CLDN4: variants seen among roughly 807,000 people sequenced by gnomAD.
CLDN4 encodes claudin-4.
CLDN4 carries 12 observed loss-of-function variants against 13.7 expected under a neutral mutation model. The observed-to-expected ratio is 0.88, with a 90% CI of 0.56 to 1.42. The LOEUF is 1.42. Among genes scored for constraint, CLDN4 ranks in the 40% most tolerant of loss-of-function variants. The pLI is 0.00. For missense variants in CLDN4, 252 were observed against 297.4 expected (o/e 0.85, Z 1.12); for synonymous variants, 152 against 140.6 (o/e 1.08, Z -0.57).
Position 73,831,995 on chromosome 7 carries a change from C to A in CLDN4, c.*164C>A. Reference sequence around the variant, plus strand: ...AGGAAGGCAGCAGCCTTCAGCCTCTCTGGCCCACTCGGACAACTTCCCAAG... The same window carrying A: ...AGGAAGGCAGCAGCCTTCAGCCTCTATGGCCCACTCGGACAACTTCCCAAG... On this transcript the variant is annotated 3_prime_UTR_variant, in exon 1 of 1. Transcript: ENST00000340958. 5 of 934,834 alleles carry A rather than the reference C, an allele frequency of 5.3e-6. No individual in the cohort carries two copies. Among genetic ancestry groups the A allele is most frequent in the Non-Finnish European group, 7.9e-6 (5 of 631,540 alleles). 57.9% of individuals were successfully genotyped at this position (934,834 alleles called of 1,614,324 possible). A position where few individuals can be genotyped will look rare whatever the true frequency, so the allele number is the denominator to read the frequency against.
Position 73,831,806 on chromosome 7 carries a change from C to T in CLDN4, c.605C>T (p.Ser202Phe), listed in dbSNP as rs139833538. 4 of 1,573,498 alleles carry T rather than the reference C, an allele frequency of 2.5e-6. No individual in the cohort carries two copies. The highest frequency in any genetic ancestry group is 3.5e-5 in the Admixed American group (2 of 57,180). ...PYSAKYSAAR[S>F]AAASNYV ...TCCGCCAAGTATTCTGCTGCCCGCT[C>T]TGCTGCTGCCAGCAACTACGTGTAA... Residue 202 changes from serine to phenylalanine, a missense_variant, in exon 1 of 1, where the codon TCT (serine) becomes TTT (phenylalanine). Coordinates refer to ENST00000340958, the MANE Select transcript of CLDN4 (RefSeq NM_001305.5).
In CLDN4 at chr7:73,831,545, C is replaced by A; in HGVS notation, c.344C>A (p.Ala115Asp). The change falls in exon 1 of 1, where the codon GCC (alanine) becomes GAC (aspartate). Residue 115 changes from alanine (A) to aspartate (D), a missense_variant. Coordinates refer to ENST00000340958, the MANE Select transcript of CLDN4 (RefSeq NM_001305.5). The part of the protein sequence containing the change: ...TNCLEDESAK[A>D]KTMIVAGVVF... ...TGCCTGGAGGATGAAAGCGCCAAGG[C>A]CAAGACCATGATCGTGGCGGGCGTG... The A allele has an allele frequency of 6.2e-7, 1 of 1,614,202 alleles. No homozygotes were observed. Among genetic ancestry groups the A allele is most frequent in the South Asian group, 1.1e-5 (1 of 91,086 alleles).
rs782165385 is a variant in CLDN4 at position 73,831,231 on chromosome 7, C to CCT, written c.30_31insCT (p.Ile11LeufsTer23). ...CCTCCATGGGGCTACAGGTAATGGG[C>CCT]ATCGCGCTGGCCGTCCTGGGCTGGC... is the stretch of plus-strand genomic sequence containing the variant. On this transcript the variant is annotated frameshift_variant, in exon 1 of 1. Transcript: ENST00000340958. LOFTEE classifies it high-confidence loss of function. 101 of 1,587,634 alleles carry CCT rather than the reference C, an allele frequency of 6.4e-5. No homozygotes were observed. Among genetic ancestry groups the CCT allele is most frequent in the Non-Finnish European group, 7.5e-5 (87 of 1,164,514 alleles).
In CLDN4 at chr7:73,831,083, C is replaced by T. The variant is rs1303542397; in HGVS notation, c.-119C>T. On this transcript the variant is annotated 5_prime_UTR_variant, in exon 1 of 1. Transcript: ENST00000340958. ...TCAGGACTGGCTTTATCTCCTGACT[C>T]ACGGTGCAAAGGTGCACTCTGCGAA... The T allele has an allele frequency of 5.5e-6, 7 of 1,268,142 alleles. No individual in the cohort carries two copies. In the African/African-American group the frequency reaches 1.0e-4, roughly 19 times the overall value. 78.6% of individuals were successfully genotyped at this position (1,268,142 alleles called of 1,614,324 possible). A position where few individuals can be genotyped will look rare whatever the true frequency, so the allele number is the denominator to read the frequency against.
chr7:73,831,500 T>G lies in CLDN4; in HGVS notation c.299T>G (p.Val100Gly). 1 of 1,614,050 alleles carries G rather than the reference T, an allele frequency of 6.2e-7. No individual in the cohort carries two copies. The highest frequency in any genetic ancestry group is 8.5e-7 in the Non-Finnish European group (1 of 1,180,000). The part of the protein sequence containing the change: ...VAALGVLLSV[V>G]GGKCTNCLED... ...GCTCTGGGCGTGCTGCTGTCCGTGG[T>G]GGGGGGCAAGTGTACCAACTGCCTG... The change falls in exon 1 of 1, where the codon GTG becomes GGG. Residue 100 changes from valine (V) to glycine (G), a missense_variant. Coordinates refer to ENST00000340958, the MANE Select transcript of CLDN4 (RefSeq NM_001305.5).
chr7:73,831,920 C>A lies in CLDN4; in HGVS notation c.*89C>A. 1 of 1,481,044 alleles carries A rather than the reference C, an allele frequency of 6.8e-7. No individual in the cohort carries two copies. Among genetic ancestry groups the A allele is most frequent in the Non-Finnish European group, 9.1e-7 (1 of 1,104,106 alleles). The allele number at this position is 1,481,044 out of a possible 1,614,324, so 91.7% of individuals were successfully genotyped here. A position where few individuals can be genotyped will look rare whatever the true frequency, so the allele number is the denominator to read the frequency against. On this transcript the variant is annotated 3_prime_UTR_variant, in exon 1 of 1. Coordinates refer to ENST00000340958, the MANE Select transcript of CLDN4 (RefSeq NM_001305.5). ...CTGTGACCCCAGGAGGGCCCTGCCA[C>A]GGGCCACTGGCTGCTGGGGACTGGG...
chr7:73,831,321 T>A lies in CLDN4; in HGVS notation c.120T>A (p.Ile40=). ...WRVTAFIGSN[I]VTSQTIWEGL... ...TGACGGCCTTCATCGGCAGCAACAT[T>A]GTCACCTCGCAGACCATCTGGGAGG... Residue 40 remains isoleucine (I), a synonymous_variant, in exon 1 of 1, where the codon ATT becomes ATA. Transcript: ENST00000340958. The A allele has an allele frequency of 6.2e-7, 1 of 1,613,998 alleles. No homozygotes were observed. The highest frequency in any genetic ancestry group is 8.5e-7 in the Non-Finnish European group (1 of 1,179,958).
At position 73,831,626 on chromosome 7, in the gene CLDN4, A is replaced by G. The variant is rs1554634156; in HGVS notation, c.425A>G (p.Asn142Ser). 2 of 1,614,002 alleles carry G rather than the reference A, an allele frequency of 1.2e-6. No individual in the cohort carries two copies. The highest frequency in any genetic ancestry group is 1.7e-6 in the Non-Finnish European group (2 of 1,179,978). Residue 142 changes from asparagine (N) to serine (S), a missense_variant, in exon 1 of 1, where the codon AAC (asparagine) becomes AGC (serine). Transcript: ENST00000340958. ...GTGCCGGTGTCCTGGACGGCCCACAACATCATCCAAGACTTCTACAATCCG... is the reference window on the plus strand; with the variant it reads ...GTGCCGGTGTCCTGGACGGCCCACAGCATCATCCAAGACTTCTACAATCCG... The part of the protein sequence containing the change: ...VIVPVSWTAH[N>S]IIQDFYNPLV...
Position 73,831,180 on chromosome 7 carries a change from CA to C in CLDN4, c.-20del, listed in dbSNP as rs1244221575. ...GGATCCCCTCAGCCTTCCAGGTCCT[CA>C]ACTCCCGTGGACGCTGAACAATGGC... On this transcript the variant is annotated 5_prime_UTR_variant, in exon 1 of 1. Transcript: ENST00000340958. 3 of 1,529,914 alleles carry C rather than the reference CA, an allele frequency of 2.0e-6. No homozygotes were observed. In the African/African-American group the frequency reaches 4.1e-5, roughly 21 times the overall value. The allele number at this position is 1,529,914 out of a possible 1,614,324, so 94.8% of individuals were successfully genotyped here.
In CLDN4 at chr7:73,831,664, G is replaced by A. The variant is rs781811608; in HGVS notation, c.463G>A (p.Gly155Arg). 2.0e-5 allele frequency: 33 copies of A among 1,614,030 alleles called. No individual in the cohort carries two copies. In the African/African-American group the frequency reaches 2.8e-4, roughly 14 times the overall value. ...QDFYNPLVAS[G>R]QKREMGASLY... ...CTTCTACAATCCGCTGGTGGCCTCC[G>A]GGCAGAAGCGGGAGATGGGTGCCTC... The change falls in exon 1 of 1, where the codon GGG (glycine) becomes AGG (arginine). Residue 155 changes from glycine to arginine, a missense_variant. Gly to Arg is a moderately radical substitution (Grantham distance 125). Transcript: ENST00000340958.
Position 73,831,998 on chromosome 7 carries a change from G to A in CLDN4, c.*167G>A. ...AAGGCAGCAGCCTTCAGCCTCTCTG[G>A]CCCACTCGGACAACTTCCCAAGGCC... On this transcript the variant is annotated 3_prime_UTR_variant, in exon 1 of 1. Coordinates refer to ENST00000340958, the MANE Select transcript of CLDN4 (RefSeq NM_001305.5). 1.1e-6 allele frequency: 1 copy of A among 913,946 alleles called. No individual in the cohort carries two copies. Among genetic ancestry groups the A allele is most frequent in the Non-Finnish European group, 1.6e-6 (1 of 614,136 alleles). 56.6% of individuals were successfully genotyped at this position (913,946 alleles called of 1,614,324 possible).
rs1367309165 is a variant in CLDN4 at position 73,831,068 on chromosome 7, C to G, written c.-134C>G. 1 of 1,145,644 alleles carries G rather than the reference C, an allele frequency of 8.7e-7. No homozygotes were observed. Among genetic ancestry groups the G allele is most frequent in the Admixed American group, 2.4e-5 (1 of 41,900 alleles). The allele number at this position is 1,145,644 out of a possible 1,614,324, so 71.0% of individuals were successfully genotyped here. On this transcript the variant is annotated 5_prime_UTR_variant, in exon 1 of 1. Transcript: ENST00000340958. ...TTGCTGGCTTGCGCATCAGGACTGG[C>G]TTTATCTCCTGACTCACGGTGCAAA...
Position 73,831,196 on chromosome 7 carries a change from T to G in CLDN4, c.-6T>G. The G allele has an allele frequency of 2.4e-5, 37 of 1,547,148 alleles. No individual in the cohort carries two copies. The highest frequency in any genetic ancestry group is 3.0e-5 in the Non-Finnish European group (34 of 1,144,222). ...CCAGGTCCTCAACTCCCGTGGACGC[T>G]GAACAATGGCCTCCATGGGGCTACA... is the stretch of plus-strand genomic sequence containing the variant. On this transcript the variant is annotated 5_prime_UTR_variant, in exon 1 of 1. Coordinates refer to ENST00000340958, the MANE Select transcript of CLDN4 (RefSeq NM_001305.5).
At position 73,832,192 on chromosome 7, in the gene CLDN4, T is replaced by G; in HGVS notation, c.*361T>G. On this transcript the variant is annotated 3_prime_UTR_variant, in exon 1 of 1. Transcript: ENST00000340958. ...GTTGGCCACTGTCCCCATTTACATT[T>G]TCCCCACTCTGTCTGCCTGCATCTC... 1 of 248,972 alleles carries G rather than the reference T, an allele frequency of 4.0e-6. No homozygotes were observed. Among genetic ancestry groups the G allele is most frequent in the Non-Finnish European group, 8.3e-6 (1 of 120,446 alleles). The allele number at this position is 248,972 out of a possible 1,614,324, so 15.4% of individuals were successfully genotyped here.
In CLDN4 at chr7:73,831,571, G is replaced by A; in HGVS notation, c.370G>A (p.Val124Met). 6.2e-7 allele frequency: 1 copy of A among 1,614,156 alleles called. No homozygotes were observed. The highest frequency in any genetic ancestry group is 8.5e-7 in the Non-Finnish European group (1 of 1,180,002). The change falls in exon 1 of 1, where the codon GTG (valine) becomes ATG (methionine). Residue 124 changes from valine to methionine, a missense_variant. Physicochemically the swap from Val to Met is conservative, Grantham distance 21. Transcript: ENST00000340958. The stretch of plus-strand genomic sequence containing the variant: ...CAAGACCATGATCGTGGCGGGCGTG[G>A]TGTTCCTGTTGGCCGGCCTTATGGT... ...KAKTMIVAGVVFLLAGLMVIV... is the reference protein window; with the variant it reads ...KAKTMIVAGVMFLLAGLMVIV...
At position 73,832,090 on chromosome 7, in the gene CLDN4, TGTG is replaced by T; in HGVS notation, c.*267_*269del. On this transcript the variant is annotated 3_prime_UTR_variant, in exon 1 of 1. Coordinates refer to ENST00000340958, the MANE Select transcript of CLDN4 (RefSeq NM_001305.5). ...TTGGGGAGGGACGGAAGTGACAGGG[TGTG>T]GTGGTGGAGTGGGGAGCTGGCTTCT... The T allele has an allele frequency of 2.1e-6, 1 of 471,574 alleles. No individual in the cohort carries two copies. Among genetic ancestry groups the T allele is most frequent in the Non-Finnish European group, 3.8e-6 (1 of 261,798 alleles). 29.2% of individuals were successfully genotyped at this position (471,574 alleles called of 1,614,324 possible).
In CLDN4 at chr7:73,832,653, A is replaced by G. The variant is rs889777668; in HGVS notation, c.*822A>G. Reference sequence around the variant, plus strand: ...GCTATTCATCACTGTAATTATTATTATTTTCTACAATAAATGGGACCTGTG... The same window carrying G: ...GCTATTCATCACTGTAATTATTATTGTTTTCTACAATAAATGGGACCTGTG... On this transcript the variant is annotated 3_prime_UTR_variant, in exon 1 of 1. Coordinates refer to ENST00000340958, the MANE Select transcript of CLDN4 (RefSeq NM_001305.5). The G allele has an allele frequency of 6.6e-6, 1 of 152,026 alleles. No homozygotes were observed. 9.4% of individuals were successfully genotyped at this position (152,026 alleles called of 1,614,324 possible).
rs1019816118 is a variant in CLDN4 at position 73,831,110 on chromosome 7, G to C, written c.-92G>C. 6.9e-7 allele frequency: 1 copy of C among 1,453,756 alleles called. No individual in the cohort carries two copies. The highest frequency in any genetic ancestry group is 9.2e-7 in the Non-Finnish European group (1 of 1,089,638). 90.1% of individuals were successfully genotyped at this position (1,453,756 alleles called of 1,614,324 possible). A position where few individuals can be genotyped will look rare whatever the true frequency, so the allele number is the denominator to read the frequency against. On this transcript the variant is annotated 5_prime_UTR_variant, in exon 1 of 1. Transcript: ENST00000340958. The stretch of plus-strand genomic sequence containing the variant: ...CGGTGCAAAGGTGCACTCTGCGAAC[G>C]TTAAGTCCGTCCCCAGCGCTTGGAA...
Position 73,831,682 on chromosome 7 carries a change from G to A in CLDN4, c.481G>A (p.Gly161Ser), listed in dbSNP as rs782399679. The A allele has an allele frequency of 4.3e-6, 7 of 1,614,122 alleles. No individual in the cohort carries two copies. Among genetic ancestry groups the A allele is most frequent in the Non-Finnish European group, 5.1e-6 (6 of 1,180,016 alleles). The change falls in exon 1 of 1, where the codon GGT becomes AGT. Residue 161 changes from glycine (G) to serine (S), a missense_variant. Coordinates refer to ENST00000340958, the MANE Select transcript of CLDN4 (RefSeq NM_001305.5). ...GGCCTCCGGGCAGAAGCGGGAGATG[G>A]GTGCCTCGCTCTACGTCGGCTGGGC... ...LVASGQKREMGASLYVGWAAS... is the reference protein window; with the variant it reads ...LVASGQKREMSASLYVGWAAS...
Sources: gnomAD v4.1 joint callset for allele counts on GRCh38, gnomAD v4.1.1 for gene constraint, MANE v1.5 for transcripts, NCBI Gene and HGNC (gene_info 2026-07-23, HGNC 2026-07-21) for gene names.